NALF1: variants seen among roughly 807,000 people sequenced by gnomAD.
The protein encoded by NALF1 is NALCN channel auxiliary factor 1.
Under a neutral mutation model 48.4 loss-of-function variants are expected in NALF1, and 3 were observed. The ratio of observed to expected loss-of-function variants is 0.06; its 90% CI spans 0.03 to 0.16. The LOEUF is 0.16. NALF1 is among the 10% of genes least tolerant of loss of function. NALF1 has a pLI of 1.00. For synonymous variants in NALF1, 262 were observed against 245.7 expected (o/e 1.07, Z -0.62); for missense variants, 526 against 571.5 (o/e 0.92, Z 0.81).
At chr13:107,256,287 C>T (rs1263698384) in intron 1 of NALF1, among the ~76,000 whole-genome samples, 4 of 152,184 alleles carry the variant, frequency 2.6e-5, no homozygotes, top group Non-Finnish European at 2.9e-5. Context: ...CATAACAGCA[C>T]GCTGCTGTGC....
At chr13:107,702,299 G>A (rs1051388551) in intron 1 of NALF1, among the ~76,000 whole-genome samples, 2 of 152,064 alleles carry the variant, frequency 1.3e-5, no homozygotes, top group African/African-American at 4.8e-5. Flanking sequence ...AATACAAGCA[G>A]TGGAAAACTT....
chr13:107,327,527 A>C (rs1882386758), intron 1 of NALF1, among the ~76,000 whole-genome samples: 1 of 152,230 alleles, frequency 6.6e-6, no homozygotes, highest in African/African-American at 2.4e-5. Context: ...CTTTTGGTAT[A>C]ATTACCACTT....
At chr13:107,664,098 C>G (rs1880797813) in intron 1 of NALF1, among the ~76,000 whole-genome samples, 1 of 152,124 alleles carries the variant, frequency 6.6e-6, no homozygotes, top group South Asian at 2.1e-4. Context: ...CTCAGAAAAC[C>G]ACCTGACATT....
intron 1 of NALF1, among the ~76,000 whole-genome samples, chr13:107,627,483 TG>T: frequency 6.6e-6 from 1 of 152,134 alleles, no homozygotes; most frequent in Non-Finnish European, 1.5e-5. Flanking sequence ...GCTGTCTTAA[TG>T]GGTGCTAGTG....
At chr13:107,495,462 T>C (rs535350640) in intron 1 of NALF1, among the ~76,000 whole-genome samples, 4 of 152,330 alleles carry the variant, frequency 2.6e-5, no homozygotes, top group African/African-American at 9.6e-5. Flanking sequence ...TTTATCTGCA[T>C]ACTTGGCAGA....
intron 1 of NALF1, among the ~76,000 whole-genome samples, chr13:107,289,881 A>T (rs1343569734): frequency 6.6e-6 from 1 of 152,206 alleles, no homozygotes; most frequent in Non-Finnish European, 1.5e-5. Flanking sequence ...GGAAGAATAA[A>T]TGGAATTAAA....
At chr13:107,240,536 A>C (rs1255922729) in intron 1 of NALF1, among the ~76,000 whole-genome samples, 1 of 152,220 alleles carries the variant, frequency 6.6e-6, no homozygotes, top group African/African-American at 2.4e-5. Context: ...CATTTGTATA[A>C]TAACTGAGAA....
chr13:107,587,621 G>A (rs1413023697), intron 1 of NALF1, among the ~76,000 whole-genome samples: 2 of 152,076 alleles, frequency 1.3e-5, no homozygotes, highest in African/African-American at 2.4e-5. Context: ...GTTTGCATTT[G>A]ATATGAGGAA....
chr13:107,796,467 G>A (rs547353841), intron 1 of NALF1, among the ~76,000 whole-genome samples: 1 of 152,230 alleles, frequency 6.6e-6, no homozygotes, highest in South Asian at 2.1e-4. Context: ...ACAAATGATT[G>A]AGATGTATTT....
intron 1 of NALF1, among the ~76,000 whole-genome samples, chr13:107,407,808 T>G (rs543838113): frequency 6.6e-6 from 1 of 152,144 alleles, no homozygotes; most frequent in African/African-American, 2.4e-5. Context: ...CCCATGTTTA[T>G]TGCAGCACTA....
chr13:107,658,376 G>A (rs1019260246), intron 1 of NALF1, among the ~76,000 whole-genome samples: 6 of 151,382 alleles, frequency 4.0e-5, no homozygotes, highest in East Asian at 1.9e-4. Flanking sequence ...CTTCATCTCC[G>A]TCCCTGCTTT....
rs958242647 is a variant in NALF1, at chr13:107,530,845, T to A, written c.916-320090A>T. Among the ~76,000 whole-genome samples the A allele has an allele frequency of 5.3e-5, 8 of 152,222 alleles. No individual in the cohort carries two copies. The East Asian group carries it at 1.4e-3, about 26-fold the overall frequency. ...TATATATGAACTATTTTCACCATTCTCCTTATAAAGTTTTAAAAATAATAT... is the reference window on the plus strand; with the variant it reads ...TATATATGAACTATTTTCACCATTCACCTTATAAAGTTTTAAAAATAATAT... On this transcript the variant is annotated intron_variant, in intron 1 of 2. Transcript: ENST00000375915.
intron 1 of NALF1, among the ~76,000 whole-genome samples, chr13:107,330,688 A>G (rs1882452940): frequency 6.6e-6 from 1 of 152,230 alleles, no homozygotes; most frequent in African/African-American, 2.4e-5. Flanking sequence ...ACAGAGGGAT[A>G]TTGGAATAAA....
rs146911090 is a variant in NALF1 at position 107,761,336 on chromosome 13, G to A, written c.915+104346C>T. Among the ~76,000 whole-genome samples, 573 of 149,734 alleles carry A rather than the reference G, an allele frequency of 3.8e-3. 1 individual carries two copies. The highest frequency in any genetic ancestry group is 0.013 in the African/African-American group (541 of 40,548). ...CGCGCCACTGCACCCCAGCCTGAGC[G>A]ACAGAGCAGGACTCCGTCTCAAAAA... On this transcript the variant is annotated intron_variant, in intron 1 of 2. Coordinates refer to ENST00000375915, the MANE Select transcript of NALF1 (RefSeq NM_001080396.3).
intron 1 of NALF1, among the ~76,000 whole-genome samples, chr13:107,812,901 A>G (rs1879041874): frequency 6.6e-6 from 1 of 152,032 alleles, no homozygotes; most frequent in Non-Finnish European, 1.5e-5. Flanking sequence ...TCCTACAGGC[A>G]TGCATCACCA....
chr13:107,401,906 G>A (rs1002517717), intron 1 of NALF1, among the ~76,000 whole-genome samples: 1 of 152,078 alleles, frequency 6.6e-6, no homozygotes, highest in Admixed American at 6.5e-5. Context: ...ATTATTTATT[G>A]TAGCATCATG....
chr13:107,413,630 A>G (rs1884032404), intron 1 of NALF1, among the ~76,000 whole-genome samples: 1 of 152,130 alleles, frequency 6.6e-6, no homozygotes, highest in African/African-American at 2.4e-5. Flanking sequence ...GCATTTTAAT[A>G]ATGTTTCCAT....
chr13:107,263,162 T>C (rs1162421897), intron 1 of NALF1, among the ~76,000 whole-genome samples: 1 of 151,694 alleles, frequency 6.6e-6, no homozygotes, highest in African/African-American at 2.4e-5. Flanking sequence ...TTGGTCACCC[T>C]AGGGGAACTC....
At chr13:107,653,038 A>G (rs1404134327) in intron 1 of NALF1, among the ~76,000 whole-genome samples, 16 of 152,128 alleles carry the variant, frequency 1.1e-4, no homozygotes, top group Admixed American at 1.0e-3. Flanking sequence ...AGGACACTTC[A>G]TTCATAAACA....
Sources: gnomAD v4.1 joint callset for allele counts (sites outside exome capture counted in the v4.1 genomes callset) on GRCh38, gnomAD v4.1.1 for gene constraint, MANE v1.5 for transcripts, NCBI Gene and HGNC (gene_info 2026-07-23, HGNC 2026-07-21) for gene names.